The following DNAAF11 variants were observed in gnomAD, a reference collection of about 807,000 sequenced individuals.
DNAAF11 encodes the protein dynein axonemal assembly factor 11, also known as leucine rich repeat containing 6.
In DNAAF11, 45 loss-of-function variants were observed where a neutral mutation model predicts 60.8. The ratio of observed to expected loss-of-function variants is 0.74; its 90% CI spans 0.58 to 0.95. DNAAF11 has a LOEUF of 0.95. Among genes scored for constraint, DNAAF11 ranks in the 40% least tolerant of loss-of-function variants. DNAAF11 has a pLI of 0.00. For synonymous variants in DNAAF11, 191 were observed against 183.5 expected (o/e 1.04, Z -0.33); for missense variants, 546 against 546.2 (o/e 1.00, Z 0.00).
upstream of DNAAF11, among the ~76,000 whole-genome samples, chr8:132,679,918 A>G (rs1213011544): frequency 6.6e-6 from 1 of 152,202 alleles, no homozygotes; most frequent in Non-Finnish European, 1.5e-5. Context: ...TGTCTTTATC[A>G]GCAGCATGAA....
At chr8:132,618,947 G>C (rs1057044103) in intron 7 of DNAAF11, among the ~76,000 whole-genome samples, 2 of 152,052 alleles carry the variant, frequency 1.3e-5, no homozygotes, top group African/African-American at 4.8e-5. Context: ...CCCATTACTG[G>C]ATATATACCC....
At chr8:132,660,009 A>C (rs1823977056) in intron 2 of DNAAF11, among the ~76,000 whole-genome samples, 1 of 152,168 alleles carries the variant, frequency 6.6e-6, no homozygotes, top group African/African-American at 2.4e-5. Flanking sequence ...GAAGTTAAAT[A>C]TGATCCTGCA....
intron 3 of DNAAF11, among the ~76,000 whole-genome samples, chr8:132,650,890 G>A (rs987753160): frequency 1.2e-4 from 19 of 152,136 alleles, no homozygotes; most frequent in African/African-American, 4.6e-4. Flanking sequence ...TAATTTTGTA[G>A]ATAAAAAACC....
At chr8:132,583,652 G>T in intron 11 of DNAAF11, 42 bp downstream of exon 11, 1 of 1,482,660 alleles carries the variant, frequency 6.7e-7, no homozygotes, top group Non-Finnish European at 9.4e-7. Context: ...ACAATGAAGA[G>T]AACAATATAA....
Position 132,602,151 on chromosome 8 carries a change from A to T in DNAAF11, c.1140+8015T>A, listed in dbSNP as rs570597298. On this transcript the variant is annotated intron_variant, in intron 10 of 11. Coordinates refer to ENST00000620350, the MANE Select transcript of DNAAF11 (RefSeq NM_012472.6). ...AATCTACTCATTAAATTTTAAAGTT[A>T]TCATATTTCAATTTTAAAACATTTT... 4.3e-3 allele frequency among the ~76,000 whole-genome samples: 656 copies of T among 152,242 alleles called. 6 individuals are homozygous for T. The highest frequency in any genetic ancestry group is 7.7e-3 in the Non-Finnish European group (524 of 68,004).
intron 10 of DNAAF11, among the ~76,000 whole-genome samples, chr8:132,588,166 CTTAATA>C (rs1816098806): frequency 6.6e-6 from 1 of 152,062 alleles, no homozygotes; most frequent in Non-Finnish European, 1.5e-5. Flanking sequence ...TATGGTTCAA[CTTAATA>C]TTTAAGTGAA....
chr8:132,585,708 G>A (rs893487642), intron 10 of DNAAF11, among the ~76,000 whole-genome samples: 1 of 152,190 alleles, frequency 6.6e-6, no homozygotes, highest in African/African-American at 2.4e-5. Flanking sequence ...TCAATAGAAG[G>A]TGACTCATGG....
chr8:132,673,115 C>T (rs1825347683), intron 1 of DNAAF11, among the ~76,000 whole-genome samples: 1 of 152,132 alleles, frequency 6.6e-6, no homozygotes, highest in African/African-American at 2.4e-5. Context: ...AAAAGAGGAC[C>T]ACTTTCTCCA....
At chr8:132,603,397 G>T (rs1178079416) in intron 10 of DNAAF11, among the ~76,000 whole-genome samples, 2 of 152,130 alleles carry the variant, frequency 1.3e-5, no homozygotes, top group Non-Finnish European at 2.9e-5. Flanking sequence ...GGTGGCAAAG[G>T]ACTCCAGCAG....
Position 132,669,095 on chromosome 8 carries a change from C to T in DNAAF11, c.10+6389G>A, listed in dbSNP as rs190377292. ...GATCTCCTGGTTGGTTTCCTAAGGC[C>T]TTTGTTAGACATATCACAGCCCAAC... On this transcript the variant is annotated intron_variant, in intron 1 of 11. Coordinates refer to ENST00000620350, the MANE Select transcript of DNAAF11 (RefSeq NM_012472.6). 2.6e-5 allele frequency among the ~76,000 whole-genome samples: 4 copies of T among 152,178 alleles called. No homozygotes were observed. The East Asian group carries it at 7.7e-4, about 29-fold the overall frequency.
intron 10 of DNAAF11, among the ~76,000 whole-genome samples, chr8:132,605,151 T>C (rs888776856): frequency 4.6e-5 from 7 of 152,186 alleles, no homozygotes; most frequent in Non-Finnish European, 8.8e-5. Context: ...TTTTGAGGTC[T>C]GAATTACTAC....
At chr8:132,654,067 G>C (rs1230177601) in intron 3 of DNAAF11, among the ~76,000 whole-genome samples, 1 of 151,990 alleles carries the variant, frequency 6.6e-6, no homozygotes, top group African/African-American at 2.4e-5. Flanking sequence ...GTAAAAGACA[G>C]GAAAAGTTAT....
chr8:132,678,658 T>G (rs2130935859), upstream of DNAAF11, among the ~76,000 whole-genome samples: 1 of 152,212 alleles, frequency 6.6e-6, no homozygotes, highest in African/African-American at 2.4e-5. Context: ...GTGCTGAGAT[T>G]ACAGGTGTGA....
intron 10 of DNAAF11, among the ~76,000 whole-genome samples, chr8:132,597,651 C>T (rs1817159005): frequency 6.6e-6 from 1 of 152,144 alleles, no homozygotes; most frequent in Non-Finnish European, 1.5e-5. Flanking sequence ...AGAGAGGATG[C>T]CCATGATTTG....
chr8:132,585,898 G>C (rs1017958635), intron 10 of DNAAF11, among the ~76,000 whole-genome samples: 2 of 152,136 alleles, frequency 1.3e-5, no homozygotes, highest in African/African-American at 4.8e-5. Context: ...GTTTAAATAT[G>C]AAAACAACTT....
At chr8:132,680,562 G>A (rs62514518), upstream of DNAAF11, among the ~76,000 whole-genome samples, 1 of 151,662 alleles carries the variant, frequency 6.6e-6, no homozygotes, top group Admixed American at 6.6e-5. Context: ...ACCATACTTT[G>A]CATTTATTTT....
At chr8:132,699,968 C>T in the DNAAF11 span, among the ~76,000 whole-genome samples, 1 of 152,066 alleles carries the variant, frequency 6.6e-6, no homozygotes, top group African/African-American at 2.4e-5. Context: ...GCTTAATGAG[C>T]ACAGGATTTT....
chr8:132,636,722 A>G (rs916696122), intron 4 of DNAAF11, among the ~76,000 whole-genome samples: 2 of 152,214 alleles, frequency 1.3e-5, no homozygotes, highest in Admixed American at 1.3e-4. Context: ...GGGTCTCATC[A>G]GTTCATTTTC....
intron 3 of DNAAF11, among the ~76,000 whole-genome samples, chr8:132,649,349 C>T (rs944399132): frequency 6.6e-6 from 1 of 152,116 alleles, no homozygotes; most frequent in Non-Finnish European, 1.5e-5. Flanking sequence ...CTTCCTTACA[C>T]CTTAACAAAA....
Sources: gnomAD v4.1 joint callset for allele counts (sites outside exome capture counted in the v4.1 genomes callset) on GRCh38, gnomAD v4.1.1 for gene constraint, MANE v1.5 for transcripts, NCBI Gene and HGNC (gene_info 2026-07-23, HGNC 2026-07-21) for gene names.